The following NFIB variants were observed in gnomAD, a reference collection of about 807,000 sequenced individuals.
The protein encoded by NFIB is nuclear factor 1 B-type.
Under a neutral mutation model 61.5 loss-of-function variants are expected in NFIB, and 11 were observed. The observed-to-expected ratio is 0.18, with a 90% CI of 0.11 to 0.30. The LOEUF is 0.30. Ranked by LOEUF, NFIB falls within the 10% of genes least tolerant of loss-of-function variation. The pLI, the probability that NFIB is intolerant of heterozygous loss-of-function variation, is 1.00. For missense variants in NFIB, 471 were observed against 608.9 expected (o/e 0.77, Z 2.38); for synonymous variants, 260 against 216.5 (o/e 1.20, Z -1.76).
At chr9:14,118,126 A>C (rs1253237225) in intron 8 of NFIB, among the ~76,000 whole-genome samples, 1 of 152,006 alleles carries the variant, frequency 6.6e-6, no homozygotes, top group Non-Finnish European at 1.5e-5. Context: ...AACTATAAAG[A>C]CCCATTTTTC....
intron 2 of NFIB, among the ~76,000 whole-genome samples, chr9:14,295,014 G>C (rs746798624): frequency 6.6e-6 from 1 of 152,206 alleles, no homozygotes; most frequent in Non-Finnish European, 1.5e-5. Context: ...CCAAATCACA[G>C]TTTCGTAAGA....
At chr9:14,477,350 T>G in the NFIB span, among the ~76,000 whole-genome samples, 2 of 152,222 alleles carry the variant, frequency 1.3e-5, no homozygotes, top group African/African-American at 2.4e-5. Flanking sequence ...CGGTAGGTAT[T>G]CCAAATCTTT....
Position 14,284,133 on chromosome 9 carries a change from T to G in NFIB, c.562+22856A>C, listed in dbSNP as rs192802025. Among the ~76,000 whole-genome samples the G allele has an allele frequency of 4.1e-3, 621 of 152,262 alleles. 4 individuals carry two copies. Among genetic ancestry groups the G allele is most frequent in the African/African-American group, 0.015 (605 of 41,548 alleles). ...CGGATTGGAGAGTTATTCAAGATATTTAACCTCAATTTCTTTATCTATTAT... is the reference window on the plus strand; with the variant it reads ...CGGATTGGAGAGTTATTCAAGATATGTAACCTCAATTTCTTTATCTATTAT... On this transcript the variant is annotated intron_variant, in intron 2 of 10. Coordinates refer to ENST00000380953, the MANE Select transcript of NFIB (RefSeq NM_001190737.2).
the NFIB span, among the ~76,000 whole-genome samples, chr9:14,509,426 C>T: frequency 5.3e-5 from 8 of 152,230 alleles, no homozygotes; most frequent in African/African-American, 1.9e-4. Flanking sequence ...CTAAATTGAG[C>T]TCCATTTCAT....
chr9:14,237,577 G>A (rs2053870239), intron 2 of NFIB, among the ~76,000 whole-genome samples: 1 of 152,004 alleles, frequency 6.6e-6, no homozygotes, highest in Admixed American at 6.6e-5. Flanking sequence ...TTCCCAACAT[G>A]CTTCCAAGGT....
rs1175967457 is a variant in NFIB at position 14,171,913 on chromosome 9, A to G, written c.616+7814T>C. Among the ~76,000 whole-genome samples the G allele has an allele frequency of 3.3e-5, 5 of 152,220 alleles. No homozygotes were observed. The East Asian group carries it at 9.6e-4, about 29-fold the overall frequency. On this transcript the variant is annotated intron_variant, in intron 3 of 10. Coordinates refer to ENST00000380953, the MANE Select transcript of NFIB (RefSeq NM_001190737.2). ...AAAAATCGCAAGGTACTGAAAACAC[A>G]GAGAATTAAAGACAAAAATCTGATT...
At chr9:14,397,797 A>G (rs77550381) in intron 1 of NFIB, among the ~76,000 whole-genome samples, 3,044 of 152,340 alleles carry the variant, frequency 0.02, 92 homozygotes, top group African/African-American at 0.068. Flanking sequence ...AATAAGGAAG[A>G]AATAATATTC....
At chr9:14,195,409 A>G (rs1336570267) in intron 2 of NFIB, among the ~76,000 whole-genome samples, 2 of 152,266 alleles carry the variant, frequency 1.3e-5, no homozygotes, top group Non-Finnish European at 2.9e-5. Context: ...GAATACTTTA[A>G]TGAAATAAAG....
chr9:14,245,715 A>T (rs1194392282), intron 2 of NFIB, among the ~76,000 whole-genome samples: 3 of 152,054 alleles, frequency 2.0e-5, no homozygotes, highest in African/African-American at 7.2e-5. Flanking sequence ...TCTACCAAAA[A>T]TAGAAAAATC....
intron 2 of NFIB, among the ~76,000 whole-genome samples, chr9:14,304,991 G>A (rs1158346017): frequency 6.6e-6 from 1 of 152,126 alleles, no homozygotes; most frequent in Non-Finnish European, 1.5e-5. Flanking sequence ...ATATACACAA[G>A]ATAAAATAAT....
chr9:14,318,069 G>T (rs1460647422), upstream of NFIB, among the ~76,000 whole-genome samples: 1 of 152,096 alleles, frequency 6.6e-6, no homozygotes, highest in Non-Finnish European at 1.5e-5. Flanking sequence ...GGTGTGACAG[G>T]CCACTTTCAT....
At chr9:14,178,262 A>T (rs548195997) in intron 3 of NFIB, among the ~76,000 whole-genome samples, 1 of 152,230 alleles carries the variant, frequency 6.6e-6, no homozygotes, top group African/African-American at 2.4e-5. Flanking sequence ...AAGTTAAAAG[A>T]CCCTATAAGT....
the NFIB span, among the ~76,000 whole-genome samples, chr9:14,425,526 A>G: frequency 1.3e-5 from 2 of 152,114 alleles, no homozygotes; most frequent in East Asian, 1.9e-4. Flanking sequence ...TGAGACATAT[A>G]TAAGGAAACA....
intron 10 of NFIB, among the ~76,000 whole-genome samples, chr9:14,106,348 T>A (rs933361301): frequency 6.6e-6 from 1 of 152,164 alleles, no homozygotes; most frequent in Non-Finnish European, 1.5e-5. Context: ...TGAAATTCTA[T>A]TGTCTAGAAA....
At chr9:14,314,977 G>A (rs1421002700), upstream of NFIB, among the ~76,000 whole-genome samples, 1 of 151,840 alleles carries the variant, frequency 6.6e-6, no homozygotes, top group African/African-American at 2.4e-5. Context: ...GGAACGAGTG[G>A]AAAATTCCCT....
chr9:14,365,926 A>T (rs573747443), intron 1 of NFIB, among the ~76,000 whole-genome samples: 2 of 152,324 alleles, frequency 1.3e-5, no homozygotes, highest in East Asian at 3.9e-4. Context: ...GTCACTGCTG[A>T]TGCCTGAGAG....
chr9:14,370,113 C>T (rs2061343205), intron 1 of NFIB, among the ~76,000 whole-genome samples: 1 of 152,222 alleles, frequency 6.6e-6, no homozygotes, highest in Non-Finnish European at 1.5e-5. Context: ...TGCCTCCCTT[C>T]AAGCAGCTTT....
chr9:14,328,395 C>G (rs2060780505), intron 1 of NFIB, among the ~76,000 whole-genome samples: 1 of 152,182 alleles, frequency 6.6e-6, no homozygotes, highest in Admixed American at 6.5e-5. Flanking sequence ...GTCTTCCTGC[C>G]TCAGCCTCCC....
chr9:14,425,207 T>C, the NFIB span, among the ~76,000 whole-genome samples: 1 of 152,190 alleles, frequency 6.6e-6, no homozygotes, highest in Admixed American at 6.5e-5. Flanking sequence ...CGAGCCTTGC[T>C]TGAGGCCAGA....
Sources: allele counts gnomAD v4.1 joint callset (sites outside exome capture counted in the v4.1 genomes callset), GRCh38; gene constraint gnomAD v4.1.1; transcripts MANE v1.5; gene names NCBI Gene and HGNC (gene_info 2026-07-23, HGNC 2026-07-21).